MICALL1: variants seen among roughly 807,000 people sequenced by gnomAD.
The protein encoded by MICALL1 is MICAL-like protein 1.
In MICALL1, 61 loss-of-function variants were observed where a neutral mutation model predicts 83.7. That is an observed-to-expected ratio of 0.73 (90% confidence interval 0.59 to 0.90). The LOEUF is 0.90. Among genes scored for constraint, MICALL1 ranks in the 40% least tolerant of loss-of-function variants. MICALL1 has a pLI of 0.00. For synonymous variants in MICALL1, 481 were observed against 473.6 expected, an observed-to-expected ratio of 1.02 and a Z score of -0.20; for missense variants, 1,066 against 1,152.0, an observed-to-expected ratio of 0.93 and a Z score of 1.08.
Position 37,932,766 on chromosome 22 carries a change from A to T in MICALL1, c.2144-32A>T, listed in dbSNP as rs1929866921. Reference sequence around the variant, plus strand: ...GGGAACTGAGCCAGGCATGGCAGCCAGCCCTGGCCTCAGTGGGTATCTGGC... The same window carrying T: ...GGGAACTGAGCCAGGCATGGCAGCCTGCCCTGGCCTCAGTGGGTATCTGGC... On this transcript the variant is annotated intron_variant, in intron 11 of 15. Coordinates refer to ENST00000215957, the MANE Select transcript of MICALL1 (RefSeq NM_033386.4). This position sits in a 1 kb window ranked among gnomAD's most constrained non-coding sequence, Gnocchi z 4.4. 6.2e-7 allele frequency: 1 copy of T among 1,613,778 alleles called. No individual in the cohort carries two copies. The highest frequency in any genetic ancestry group is 1.1e-5 in the South Asian group (1 of 91,072).
chr22:37,913,970 G>T (rs1409683622), intron 3 of MICALL1, among the ~76,000 whole-genome samples: 1 of 151,636 alleles, frequency 6.6e-6, no homozygotes, highest in Non-Finnish European at 1.5e-5. Context: ...CTGCCCTCGG[G>T]GTTCAAGTGA....
rs59280441 is a variant in MICALL1 at position 37,918,963 on chromosome 22, G to A, written c.427-73G>A. 2.8e-3 allele frequency: 4,015 copies of A among 1,429,482 alleles called. 88 individuals are homozygous for A. In the African/African-American group the frequency reaches 0.051, roughly 18 times the overall value. The allele number at this position is 1,429,482 out of a possible 1,614,324, so 88.5% of individuals were successfully genotyped here. ...TGACGGTGGCCGTTGGAGGGAGGGA[G>A]AGGGCAGTGATGTGAACAGGATGGC... On this transcript the variant is annotated intron_variant, in intron 4 of 15. Coordinates refer to ENST00000215957, the MANE Select transcript of MICALL1 (RefSeq NM_033386.4).
chr22:37,917,060 T>A (rs996424114), intron 3 of MICALL1, among the ~76,000 whole-genome samples: 9 of 152,102 alleles, frequency 5.9e-5, no homozygotes, highest in Admixed American at 2.6e-4. Flanking sequence ...TTAGTAGAGA[T>A]GGTGTTTCAC....
chr22:37,919,014 T>C, intron 4 of MICALL1, 22 bp from the exon 5 acceptor site: 1 of 1,528,286 alleles, frequency 6.5e-7, no homozygotes, highest in Non-Finnish European at 8.8e-7. Context: ...GCTCCCAACC[T>C]CCCCCACCTC....
chr22:37,931,093 A>C (rs1360579551), intron 9 of MICALL1, among the ~76,000 whole-genome samples: 1 of 152,232 alleles, frequency 6.6e-6, no homozygotes, highest in Non-Finnish European at 1.5e-5. Context: ...CCTCAATGCT[A>C]GATGGCTGCC....
chr22:37,924,508 C>T lies in MICALL1; in HGVS notation c.1025-152C>T. On this transcript the variant is annotated intron_variant, in intron 6 of 15. Transcript: ENST00000215957. This position sits in a 1 kb window ranked among gnomAD's most constrained non-coding sequence, Gnocchi z 5.2. ...CTGACTGTTCTCAGGCACCTGGGTG[C>T]TTATCTAATCTCCATGGGCTGGCCT... 1 of 631,556 alleles carries T rather than the reference C, an allele frequency of 1.6e-6. No homozygotes were observed. Among genetic ancestry groups the T allele is most frequent in the Non-Finnish European group, 2.7e-6 (1 of 375,220 alleles). 39.1% of individuals were successfully genotyped at this position (631,556 alleles called of 1,614,324 possible).
At position 37,924,813 on chromosome 22, in the gene MICALL1, A is replaced by G; in HGVS notation, c.1082+96A>G. 1 of 1,279,396 alleles carries G rather than the reference A, an allele frequency of 7.8e-7. No individual in the cohort carries two copies. The highest frequency in any genetic ancestry group is 1.3e-5 in the South Asian group (1 of 76,206). The allele number at this position is 1,279,396 out of a possible 1,614,324, so 79.3% of individuals were successfully genotyped here. On this transcript the variant is annotated intron_variant, in intron 7 of 15. Coordinates refer to ENST00000215957, the MANE Select transcript of MICALL1 (RefSeq NM_033386.4). This position sits in a 1 kb window ranked among gnomAD's most constrained non-coding sequence, Gnocchi z 5.2. ...GGGTAGGGAGAGAGGCTTCCTGTGG[A>G]TGGGCAGGGCGGGGCTCAGGAGGGG... is the stretch of plus-strand genomic sequence containing the variant.
chr22:37,913,876 CT>C lies in MICALL1; in HGVS notation c.337+1400del, dbSNP rs60697387. ...CGGTCTAGACAGTTCTGGCCCAACTCTTTTTTTTTTTTTTTTGATACAGAGT... is the reference window on the plus strand; with the variant it reads ...CGGTCTAGACAGTTCTGGCCCAACTCTTTTTTTTTTTTTTTGATACAGAGT... On this transcript the variant is annotated intron_variant, in intron 3 of 15. Coordinates refer to ENST00000215957, the MANE Select transcript of MICALL1 (RefSeq NM_033386.4). Among the ~76,000 whole-genome samples the C allele has an allele frequency of 5.9e-3, 820 of 138,610 alleles. 6 individuals are homozygous for C. Among genetic ancestry groups the C allele is most frequent in the African/African-American group, 0.015 (575 of 37,746 alleles). The allele number at this position is 138,610 out of a possible 152,430, so 90.9% of individuals were successfully genotyped here. A position where few individuals can be genotyped will look rare whatever the true frequency, so the allele number is the denominator to read the frequency against.
chr22:37,934,659 C>T (rs1428460481), intron 13 of MICALL1, among the ~76,000 whole-genome samples: 8 of 150,760 alleles, frequency 5.3e-5, no homozygotes, highest in Non-Finnish European at 7.4e-5. Flanking sequence ...TGCAGTGGCG[C>T]GATCTCGGCT....
chr22:37,937,418 C>CTTTTTT (rs34844677), intron 14 of MICALL1, among the ~76,000 whole-genome samples: 29 of 113,404 alleles, frequency 2.6e-4, no homozygotes, highest in Non-Finnish European at 4.1e-4. Flanking sequence ...GCTGCCGCTG[C>CTTTTTT]TTTTTTTTTT....
intron 9 of MICALL1, among the ~76,000 whole-genome samples, chr22:37,928,275 C>T (rs571954417): frequency 1.3e-5 from 2 of 150,426 alleles, no homozygotes; most frequent in Non-Finnish European, 3.0e-5. Context: ...GGTGTGATCT[C>T]GGCTCTCTGC....
At chr22:37,928,935 CA>C (rs1420027729) in intron 9 of MICALL1, among the ~76,000 whole-genome samples, 2 of 152,250 alleles carry the variant, frequency 1.3e-5, no homozygotes, top group East Asian at 3.9e-4. Context: ...CCAGCCTGGC[CA>C]ACATGGTGAA....
At position 37,932,827 on chromosome 22, in the gene MICALL1, T is replaced by G; in HGVS notation, c.2173T>G (p.Trp725Gly). 1.2e-6 allele frequency: 2 copies of G among 1,614,056 alleles called. No homozygotes were observed. Among genetic ancestry groups the G allele is most frequent in the Non-Finnish European group, 1.7e-6 (2 of 1,179,998 alleles). The part of the protein sequence containing the change: ...EGREDDMLVD[W>G]FKLIHEKHLL... ...CCGTGAGGATGACATGCTGGTGGACTGGTTCAAGCTCATCCACGAGAAGCA... is the reference window on the plus strand; with the variant it reads ...CCGTGAGGATGACATGCTGGTGGACGGGTTCAAGCTCATCCACGAGAAGCA... The change falls in exon 12 of 16, where the codon TGG becomes GGG. Residue 725 changes from tryptophan (W) to glycine (G), a missense_variant. Coordinates refer to ENST00000215957, the MANE Select transcript of MICALL1 (RefSeq NM_033386.4). This position sits in a 1 kb window ranked among gnomAD's most constrained non-coding sequence, Gnocchi z 4.4.
Position 37,906,489 on chromosome 22 carries a change from G to A in MICALL1, c.67G>A (p.Glu23Lys). 1 of 1,254,584 alleles carries A rather than the reference G, an allele frequency of 8.0e-7. No individual in the cohort carries two copies. The highest frequency in any genetic ancestry group is 3.4e-5 in the Admixed American group (1 of 29,158). The allele number at this position is 1,254,584 out of a possible 1,614,324, so 77.7% of individuals were successfully genotyped here. The change falls in exon 1 of 16, where the codon GAG becomes AAG. Residue 23 changes from glutamate to lysine, a missense_variant. Physicochemically the swap from Glu to Lys is moderately conservative, Grantham distance 56. Transcript: ENST00000215957. The surrounding 1 kb of genome is among the most constrained non-coding windows in gnomAD (Gnocchi z 4.4). Reference sequence around the variant, plus strand: ...CCAGTGCGAGGGCTACCGCGGCGTGGAGATCCGCGACCTGAGCAGCTCCTT... The same window carrying A: ...CCAGTGCGAGGGCTACCGCGGCGTGAAGATCCGCGACCTGAGCAGCTCCTT... ...RRQCEGYRGV[E>K]IRDLSSSFRD...
intron 9 of MICALL1, 146 bp from the exon 10 acceptor site, chr22:37,931,653 A>G: frequency 1.1e-6 from 1 of 889,658 alleles, no homozygotes. Flanking sequence ...TGCATCAGAG[A>G]CGGAATTCAA....
At chr22:37,908,726 C>A (rs1182312350) in intron 1 of MICALL1, among the ~76,000 whole-genome samples, 2 of 152,226 alleles carry the variant, frequency 1.3e-5, no homozygotes, top group Non-Finnish European at 2.9e-5. Context: ...CACGCTCTCC[C>A]ACACCTGTAG....
Position 37,915,939 on chromosome 22 carries a change from G to A in MICALL1, c.338-1768G>A, listed in dbSNP as rs191575748. On this transcript the variant is annotated intron_variant, in intron 3 of 15. Coordinates refer to ENST00000215957, the MANE Select transcript of MICALL1 (RefSeq NM_033386.4). Reference sequence around the variant, plus strand: ...TGGGATTACAGGTGTGAGCCACTGCGCCCAGCCAAGATTAGTATTCTTACT... The same window carrying A: ...TGGGATTACAGGTGTGAGCCACTGCACCCAGCCAAGATTAGTATTCTTACT... Among the ~76,000 whole-genome samples the A allele has an allele frequency of 5.9e-5, 9 of 152,290 alleles. 1 individual carries two copies. The highest frequency in any genetic ancestry group is 6.8e-3 in the Middle Eastern group (2 of 294).
chr22:37,926,214 T>C (rs902123200), intron 8 of MICALL1, among the ~76,000 whole-genome samples, 171 bp downstream of exon 8: 5 of 152,146 alleles, frequency 3.3e-5, no homozygotes, highest in Admixed American at 6.5e-5. Flanking sequence ...TCACCTCCAC[T>C]TTGCAGGTGA....
chr22:37,910,449 T>C (rs1316823361), intron 1 of MICALL1, among the ~76,000 whole-genome samples: 1 of 152,096 alleles, frequency 6.6e-6, no homozygotes, highest in African/African-American at 2.4e-5. Flanking sequence ...TTCCTCGCCC[T>C]GTTGCAGTGT....
Sources: allele counts gnomAD v4.1 joint callset (sites outside exome capture counted in the v4.1 genomes callset), GRCh38; gene constraint gnomAD v4.1.1; non-coding constraint Gnocchi (gnomAD v3.1); transcripts MANE v1.5; gene names NCBI Gene and HGNC (gene_info 2026-07-23, HGNC 2026-07-21).